The following HDAC4 variants were observed in gnomAD, a reference collection of about 807,000 sequenced individuals.
The protein encoded by HDAC4 is histone deacetylase 4.
In HDAC4, 16 loss-of-function variants were observed where a neutral mutation model predicts 135.1. The ratio of observed to expected loss-of-function variants is 0.12; its 90% CI spans 0.08 to 0.18. The LOEUF is 0.18. HDAC4 is among the 10% of genes least tolerant of loss of function. HDAC4 has a pLI of 1.00. For synonymous variants in HDAC4, 685 were observed against 653.4 expected, an observed-to-expected ratio of 1.05 and a Z score of -0.74; for missense variants, 1,143 against 1,511.8, an observed-to-expected ratio of 0.76 and a Z score of 4.05.
intron 19 of HDAC4, chr2:239,085,963 T>A: frequency 7.5e-6 from 1 of 133,324 alleles, no homozygotes; most frequent in African/African-American, 3.0e-5. Context: ...GCACGTACAG[T>A]CTCTTCCCTG....
intron 1 of HDAC4, among the ~76,000 whole-genome samples, chr2:239,374,640 T>C (rs1694876665): frequency 6.6e-6 from 1 of 151,784 alleles, no homozygotes. Context: ...CCTGACCTCG[T>C]GATCCGCCCG....
intron 2 of HDAC4, among the ~76,000 whole-genome samples, chr2:239,297,025 T>C (rs2051940152): frequency 1.9e-5 from 2 of 103,532 alleles, no homozygotes; most frequent in African/African-American, 7.8e-5. Context: ...TTTGTTTTCA[T>C]GTAAAAAAAA....
chr2:239,246,708 A>C (rs2048484297), intron 2 of HDAC4, among the ~76,000 whole-genome samples: 1 of 152,222 alleles, frequency 6.6e-6, no homozygotes, highest in Non-Finnish European at 1.5e-5. Context: ...CTCCCTAAGT[A>C]AGACAACACG....
chr2:239,090,958 G>A (rs114090298), intron 17 of HDAC4, among the ~76,000 whole-genome samples: 5 of 152,350 alleles, frequency 3.3e-5, no homozygotes, highest in South Asian at 2.1e-4. Flanking sequence ...GTTGACCAGC[G>A]TAGCTAAGCG....
intron 1 of HDAC4, among the ~76,000 whole-genome samples, chr2:239,379,359 A>C (rs1198768689): frequency 6.6e-6 from 1 of 152,126 alleles, no homozygotes; most frequent in Non-Finnish European, 1.5e-5. Flanking sequence ...GCGTGTGATG[A>C]TGCTGGGCAT....
In HDAC4 at chr2:239,146,922, C is replaced by T. The variant is rs55745729; in HGVS notation, c.734-2208G>A. 0.025 allele frequency among the ~76,000 whole-genome samples: 3,786 copies of T among 152,228 alleles called. 161 individuals carry two copies. Among genetic ancestry groups the T allele is most frequent in the African/African-American group, 0.086 (3,580 of 41,512 alleles). ...CCTGCCTGGGCTCCCTGATTCTAGC[C>T]GACTGCACGTCCCTGGTCGACTCTG... On this transcript the variant is annotated intron_variant, in intron 7 of 26. Transcript: ENST00000543185. This position sits in a 1 kb window ranked among gnomAD's most constrained non-coding sequence, Gnocchi z 4.5.
chr2:239,389,136 G>A (rs1463090538), intron 1 of HDAC4, among the ~76,000 whole-genome samples: 2 of 152,154 alleles, frequency 1.3e-5, no homozygotes, highest in Non-Finnish European at 2.9e-5. Flanking sequence ...AGCACTCTGT[G>A]TCTAGCTAAA....
At chr2:239,057,552 C>A (rs2032063697) in intron 24 of HDAC4, among the ~76,000 whole-genome samples, 1 of 152,210 alleles carries the variant, frequency 6.6e-6, no homozygotes, top group Admixed American at 6.5e-5. Flanking sequence ...CCATTAGCCA[C>A]ACACCAACTC....
In HDAC4 at chr2:239,245,082, T is replaced by A. The variant is rs1347205340; in HGVS notation, c.23-8418A>T. On this transcript the variant is annotated intron_variant, in intron 2 of 26. Transcript: ENST00000543185. This position sits in a 1 kb window ranked among gnomAD's most constrained non-coding sequence, Gnocchi z 4.4. The stretch of plus-strand genomic sequence containing the variant: ...CCTCAGGCATGTCCAACATAGTTTA[T>A]GTGCATTTATTAGAGAAAATGAAAA... 6.6e-6 allele frequency among the ~76,000 whole-genome samples: 1 copy of A among 152,232 alleles called. No individual in the cohort carries two copies. Among genetic ancestry groups the A allele is most frequent in the Admixed American group, 6.5e-5 (1 of 15,282 alleles).
At chr2:239,143,398 T>A (rs1379711892) in intron 8 of HDAC4, among the ~76,000 whole-genome samples, 1 of 152,246 alleles carries the variant, frequency 6.6e-6, no homozygotes, top group East Asian at 1.9e-4. Flanking sequence ...CAACTGAATC[T>A]TCCCCAGTCA....
intron 4 of HDAC4, among the ~76,000 whole-genome samples, chr2:239,184,346 GTGTC>G (rs1162728781): frequency 6.8e-6 from 1 of 147,916 alleles, no homozygotes; most frequent in African/African-American, 2.5e-5. Context: ...GGGTCCCTCA[GTGTC>G]TGTCTTGGAG....
chr2:239,134,432 G>T lies in HDAC4; in HGVS notation c.1107C>A (p.Gly369=). 6.2e-7 allele frequency: 1 copy of T among 1,613,124 alleles called. No individual in the cohort carries two copies. The highest frequency in any genetic ancestry group is 8.5e-7 in the Non-Finnish European group (1 of 1,179,662). ...PATGPSAGTA[G]QQDAERLTLP... The stretch of plus-strand genomic sequence containing the variant: ...GGGTGAGTCTCTCGGCGTCCTGCTG[G>T]CCCGCCGTGCCCTGGAAAGCACAGC... Residue 369 remains glycine, a synonymous_variant, in exon 11 of 27, where the codon GGC becomes GGA. Transcript: ENST00000543185.
intron 5 of HDAC4, among the ~76,000 whole-genome samples, chr2:239,169,567 G>A (rs745909597): frequency 2.0e-5 from 3 of 152,224 alleles, no homozygotes; most frequent in South Asian, 2.1e-4. Context: ...GCTCAGCTGC[G>A]CTCCTGGTCC....
At chr2:239,318,758 T>C (rs1014730232) in intron 2 of HDAC4, among the ~76,000 whole-genome samples, 1 of 151,940 alleles carries the variant, frequency 6.6e-6, no homozygotes, top group Non-Finnish European at 1.5e-5. Flanking sequence ...TTCTGTAAGT[T>C]TGAAATTACA....
In HDAC4 at chr2:239,262,426, G is replaced by A. The variant is rs563147361; in HGVS notation, c.23-25762C>T. Reference sequence around the variant, plus strand: ...ATAATTAGGAGGAAGAGATAAAAGAGAAGCTTTTGTGAAAGCAGAGATAGA... The same window carrying A: ...ATAATTAGGAGGAAGAGATAAAAGAAAAGCTTTTGTGAAAGCAGAGATAGA... On this transcript the variant is annotated intron_variant, in intron 2 of 26. Transcript: ENST00000543185. This position sits in a 1 kb window ranked among gnomAD's most constrained non-coding sequence, Gnocchi z 4.1. Among the ~76,000 whole-genome samples, 10 of 152,350 alleles carry A rather than the reference G, an allele frequency of 6.6e-5. No homozygotes were observed. In the East Asian group the frequency reaches 1.7e-3, roughly 26 times the overall value.
intron 22 of HDAC4, among the ~76,000 whole-genome samples, chr2:239,070,927 GT>G (rs10572423): frequency 0.43 from 62,130 of 143,544 alleles, 13,418 homozygotes; most frequent in South Asian, 0.58. Context: ...AGTCTCTGTT[GT>G]TTTTTTTTTT....
chr2:239,175,726 G>A (rs1024130682), intron 5 of HDAC4, among the ~76,000 whole-genome samples: 2 of 152,176 alleles, frequency 1.3e-5, no homozygotes, highest in African/African-American at 4.8e-5. Context: ...AAAGTACTTT[G>A]AAAAATGCAG....
intron 21 of HDAC4, 115 bp from the exon 22 acceptor site, chr2:239,081,307 G>A (rs1338442078): frequency 1.2e-6 from 1 of 821,468 alleles, no homozygotes; most frequent in Non-Finnish European, 2.0e-6. Context: ...CCCCTGGGGA[G>A]AGCCCACGTG....
In HDAC4 at chr2:239,196,804, G is replaced by A. The variant is rs931112336; in HGVS notation, c.95-6727C>T. On this transcript the variant is annotated intron_variant, in intron 3 of 26. Coordinates refer to ENST00000543185, the MANE Select transcript of HDAC4 (RefSeq NM_001378414.1). ...GAGAAATGAGTGACCTCGGGGAATC[G>A]AGGCAGTGGGGCAAGGAAGAGAGAG... Among the ~76,000 whole-genome samples, 5 of 152,318 alleles carry A rather than the reference G, an allele frequency of 3.3e-5. No homozygotes were observed. The South Asian group carries it at 6.2e-4, about 19-fold the overall frequency.
Sources: gnomAD v4.1 joint callset for allele counts (sites outside exome capture counted in the v4.1 genomes callset) on GRCh38, gnomAD v4.1.1 for gene constraint, Gnocchi (gnomAD v3.1) non-coding constraint, MANE v1.5 for transcripts, NCBI Gene and HGNC (gene_info 2026-07-23, HGNC 2026-07-21) for gene names.